Variants in ATXN10 observed in about 807,000 individuals in gnomAD.
The protein encoded by ATXN10 is ataxin 10, also known as ataxin-10.
In ATXN10, 28 loss-of-function variants were observed where a neutral mutation model predicts 52.9. That is an observed-to-expected ratio of 0.53 (90% CI 0.39 to 0.73). ATXN10 has a LOEUF of 0.73. Ranked by LOEUF, ATXN10 falls within the 30% of genes least tolerant of loss-of-function variation. The pLI is 0.00. For missense variants in ATXN10, 565 were observed against 577.0 expected, an observed-to-expected ratio of 0.98 and a Z score of 0.21; for synonymous variants, 226 against 221.5, an observed-to-expected ratio of 1.02 and a Z score of -0.18.
rs1456107841 is a variant in ATXN10 at position 45,763,104 on chromosome 22, C to G, written c.1173+22566C>G. ...GAGGCTGTGGCTACAGCATTTTCAT[C>G]TGGAAGGAGGCCTAGGAAATGATGT... On this transcript the variant is annotated intron_variant, in intron 9 of 11. Coordinates refer to ENST00000252934, the MANE Select transcript of ATXN10 (RefSeq NM_013236.4). This position sits in a 1 kb window ranked among gnomAD's most constrained non-coding sequence, Gnocchi z 6.9. 6.6e-6 allele frequency among the ~76,000 whole-genome samples: 1 copy of G among 152,228 alleles called. No homozygotes were observed. The highest frequency in any genetic ancestry group is 2.4e-5 in the African/African-American group (1 of 41,460).
chr22:45,812,772 G>A (rs1928324665), intron 10 of ATXN10, among the ~76,000 whole-genome samples: 1 of 152,202 alleles, frequency 6.6e-6, no homozygotes, highest in Non-Finnish European at 1.5e-5. Context: ...TGGGACAGGA[G>A]TGAGGCCTGG....
Position 45,823,772 on chromosome 22 carries a change from A to G in ATXN10, c.1237+16750A>G, listed in dbSNP as rs151067481. ...GAGTAGCTGGCATGTTATGTGCTGC[A>G]CACTGTTCTAGCTGCCAGGGATACA... On this transcript the variant is annotated intron_variant, in intron 10 of 11. Coordinates refer to ENST00000252934, the MANE Select transcript of ATXN10 (RefSeq NM_013236.4). The surrounding 1 kb of genome is among the most constrained non-coding windows in gnomAD (Gnocchi z 4.9). Among the ~76,000 whole-genome samples, 2 of 152,300 alleles carry G rather than the reference A, an allele frequency of 1.3e-5. No homozygotes were observed. The highest frequency in any genetic ancestry group is 6.5e-5 in the Admixed American group (1 of 15,308).
intron 1 of ATXN10, among the ~76,000 whole-genome samples, chr22:45,680,485 T>A (rs2146726362): frequency 6.6e-6 from 1 of 152,310 alleles, no homozygotes; most frequent in East Asian, 1.9e-4. Flanking sequence ...CTAAGTTATA[T>A]GAGAAACTCC....
chr22:45,685,044 T>C (rs370124681), intron 1 of ATXN10, among the ~76,000 whole-genome samples: 2 of 152,176 alleles, frequency 1.3e-5, no homozygotes, highest in East Asian at 3.8e-4. Context: ...GAATAAATCT[T>C]TTAACAAGTA....
At chr22:45,685,263 C>T (rs1411519736) in intron 1 of ATXN10, among the ~76,000 whole-genome samples, 1 of 152,086 alleles carries the variant, frequency 6.6e-6, no homozygotes, top group Non-Finnish European at 1.5e-5. Context: ...TCTGTTCAAA[C>T]TTGAGGGAAA....
At position 45,756,212 on chromosome 22, in the gene ATXN10, C is replaced by T. The variant is rs191845463; in HGVS notation, c.1173+15674C>T. Among the ~76,000 whole-genome samples, 7 of 152,168 alleles carry T rather than the reference C, an allele frequency of 4.6e-5. No individual in the cohort carries two copies. In the East Asian group the frequency reaches 1.4e-3, roughly 29 times the overall value. On this transcript the variant is annotated intron_variant, in intron 9 of 11. Coordinates refer to ENST00000252934, the MANE Select transcript of ATXN10 (RefSeq NM_013236.4). ...CCAGGCTGGAGTGCAGTGGTGTGAA[C>T]GGGCTCACTGTAGCCTTAAACTCCT...
chr22:45,751,380 T>C (rs1027535854), intron 9 of ATXN10, among the ~76,000 whole-genome samples: 1 of 152,026 alleles, frequency 6.6e-6, no homozygotes, highest in African/African-American at 2.4e-5. Flanking sequence ...TTTTGCTAAC[T>C]GAGATAATTA....
At position 45,740,295 on chromosome 22, in the gene ATXN10, T is replaced by C. The variant is rs551045915; in HGVS notation, c.1004-74T>C. The C allele has an allele frequency of 2.1e-4, 293 of 1,423,346 alleles. 1 individual carries two copies. Among genetic ancestry groups the C allele is most frequent in the South Asian group, 7.8e-4 (67 of 86,382 alleles). 88.2% of individuals were successfully genotyped at this position (1,423,346 alleles called of 1,614,324 possible). On this transcript the variant is annotated intron_variant, in intron 8 of 11. Coordinates refer to ENST00000252934, the MANE Select transcript of ATXN10 (RefSeq NM_013236.4). ...CCTATTACAATAAATTAGATTTGTCTATGGAAAACTATTAGTACAACATAC... is the reference window on the plus strand; with the variant it reads ...CCTATTACAATAAATTAGATTTGTCCATGGAAAACTATTAGTACAACATAC...
intron 9 of ATXN10, among the ~76,000 whole-genome samples, chr22:45,745,534 A>T (rs540669967): frequency 6.6e-6 from 1 of 152,344 alleles, no homozygotes; most frequent in East Asian, 1.9e-4. Flanking sequence ...CTATAAGCAT[A>T]CCTTAATTTT....
At chr22:45,739,834 T>C (rs949960971) in intron 8 of ATXN10, among the ~76,000 whole-genome samples, 4 of 152,212 alleles carry the variant, frequency 2.6e-5, no homozygotes, top group African/African-American at 9.6e-5. Context: ...GAGGTGCTCA[T>C]AGAGTAGAGC....
Position 45,684,923 on chromosome 22 carries a change from ATTG to A in ATXN10, c.117-4783_117-4781del, listed in dbSNP as rs1225228055. Reference sequence around the variant, plus strand: ...TTATGGTTTTAGATAACAACCAGTGATTGTTGTTTTAATCTGTGAACTTGTGTG... The same window carrying A: ...TTATGGTTTTAGATAACAACCAGTGATTGTTTTAATCTGTGAACTTGTGTG... On this transcript the variant is annotated intron_variant, in intron 1 of 11. Transcript: ENST00000252934. This position sits in a 1 kb window ranked among gnomAD's most constrained non-coding sequence, Gnocchi z 4.1. 3.9e-5 allele frequency among the ~76,000 whole-genome samples: 6 copies of A among 152,194 alleles called. No individual in the cohort carries two copies. The highest frequency in any genetic ancestry group is 1.3e-4 in the Admixed American group (2 of 15,284).
chr22:45,727,335 C>A lies in ATXN10; in HGVS notation c.729-2090C>A, dbSNP rs961053140. 6.1e-5 allele frequency among the ~76,000 whole-genome samples: 9 copies of A among 148,378 alleles called. No homozygotes were observed. Among genetic ancestry groups the A allele is most frequent in the African/African-American group, 2.0e-4 (8 of 39,992 alleles). On this transcript the variant is annotated intron_variant, in intron 6 of 11. Transcript: ENST00000252934. The surrounding 1 kb of genome is among the most constrained non-coding windows in gnomAD (Gnocchi z 4.6). ...TGTCTGTCTGTCTATCTATCTATATCTATCTATCTATCTATCTATCTATCT... is the reference window on the plus strand; with the variant it reads ...TGTCTGTCTGTCTATCTATCTATATATATCTATCTATCTATCTATCTATCT...
Position 45,732,531 on chromosome 22 carries a change from C to G in ATXN10, c.894+2941C>G, listed in dbSNP as rs1925128243. Among the ~76,000 whole-genome samples the G allele has an allele frequency of 1.3e-5, 2 of 150,932 alleles. No individual in the cohort carries two copies. Among genetic ancestry groups the G allele is most frequent in the Non-Finnish European group, 2.9e-5 (2 of 67,856 alleles). ...AATTTACTTTTGGAAGTTTATTGAG[C>G]TATACATTTATGACTTGTGCGTATT... On this transcript the variant is annotated intron_variant, in intron 7 of 11. Coordinates refer to ENST00000252934, the MANE Select transcript of ATXN10 (RefSeq NM_013236.4). This position sits in a 1 kb window ranked among gnomAD's most constrained non-coding sequence, Gnocchi z 4.5.
At chr22:45,685,600 C>T (rs996362177) in intron 1 of ATXN10, among the ~76,000 whole-genome samples, 1 of 152,104 alleles carries the variant, frequency 6.6e-6, no homozygotes, top group Admixed American at 6.5e-5. Context: ...TGACAGTGAA[C>T]GTAGATTTTG....
chr22:45,827,386 A>T (rs1293028931), intron 10 of ATXN10, among the ~76,000 whole-genome samples: 1 of 152,232 alleles, frequency 6.6e-6, no homozygotes, highest in Non-Finnish European at 1.5e-5. Flanking sequence ...GGATAAAAAC[A>T]CTTGATCTAA....
rs1471271427 is a variant in ATXN10, at chr22:45,842,978, A to G, written c.1238-13A>G. On this transcript the variant is annotated splice_polypyrimidine_tract_variant and intron_variant, in intron 10 of 11. Coordinates refer to ENST00000252934, the MANE Select transcript of ATXN10 (RefSeq NM_013236.4). The surrounding 1 kb of genome is among the most constrained non-coding windows in gnomAD (Gnocchi z 4.8). ...GGAAAGTACGTTGTCACATTCCTTC[A>G]CTCTGGCTCCAGTTCTGACCCAGTG... 4.3e-6 allele frequency: 7 copies of G among 1,613,632 alleles called. No individual in the cohort carries two copies. The highest frequency in any genetic ancestry group is 5.9e-6 in the Non-Finnish European group (7 of 1,179,762).
intron 4 of ATXN10, among the ~76,000 whole-genome samples, chr22:45,700,972 C>T (rs952900703): frequency 2.0e-5 from 3 of 152,112 alleles, no homozygotes; most frequent in Non-Finnish European, 4.4e-5. Flanking sequence ...TCTGGTGATT[C>T]TACTTCTTAA....
chr22:45,774,289 A>G lies in ATXN10; in HGVS notation c.1174-32670A>G, dbSNP rs934553445. 6.6e-6 allele frequency among the ~76,000 whole-genome samples: 1 copy of G among 152,228 alleles called. No individual in the cohort carries two copies. Among genetic ancestry groups the G allele is most frequent in the Non-Finnish European group, 1.5e-5 (1 of 68,036 alleles). ...CCATGGCCATCTGTCCAGTAGAGTG[A>G]GAGCAGGAGCTGCACCTGTCTGGAA... On this transcript the variant is annotated intron_variant, in intron 9 of 11. Transcript: ENST00000252934. The surrounding 1 kb of genome is among the most constrained non-coding windows in gnomAD (Gnocchi z 6.2).
Position 45,795,364 on chromosome 22 carries a change from T to G in ATXN10, c.1174-11595T>G, listed in dbSNP as rs867374081. Among the ~76,000 whole-genome samples the G allele has an allele frequency of 3.1e-4, 31 of 100,442 alleles. No individual in the cohort carries two copies. Among genetic ancestry groups the G allele is most frequent in the South Asian group, 1.3e-3 (4 of 3,080 alleles). 65.9% of individuals were successfully genotyped at this position (100,442 alleles called of 152,430 possible). A position where few individuals can be genotyped will look rare whatever the true frequency, so the allele number is the denominator to read the frequency against. On this transcript the variant is annotated intron_variant, in intron 9 of 11. Coordinates refer to ENST00000252934, the MANE Select transcript of ATXN10 (RefSeq NM_013236.4). The surrounding 1 kb of genome is among the most constrained non-coding windows in gnomAD (Gnocchi z 4.6). ...AAGACTACTAGAATGGATTCTATTC[T>G]ATTCTATTCTATTCTATTCTATTCT...
Sources: gnomAD v4.1 joint callset for allele counts (sites outside exome capture counted in the v4.1 genomes callset) on GRCh38, gnomAD v4.1.1 for gene constraint, Gnocchi (gnomAD v3.1) non-coding constraint, MANE v1.5 for transcripts, NCBI Gene and HGNC (gene_info 2026-07-23, HGNC 2026-07-21) for gene names.